TMEM132B: variants seen among roughly 807,000 people sequenced by gnomAD.
TMEM132B encodes transmembrane protein 132B.
In TMEM132B, 18 loss-of-function variants were observed where a neutral mutation model predicts 90.8. That is an observed-to-expected ratio of 0.20 (90% confidence interval 0.14 to 0.29). The LOEUF is 0.29. TMEM132B is among the 10% of genes least tolerant of loss of function. TMEM132B has a pLI of 1.00. For synonymous variants in TMEM132B, 504 were observed against 523.3 expected (o/e 0.96, Z 0.50); for missense variants, 1,096 against 1,326.8 (o/e 0.83, Z 2.70).
intron 2 of TMEM132B, among the ~76,000 whole-genome samples, chr12:125,400,304 A>G (rs1437105438): frequency 1.3e-5 from 2 of 152,242 alleles, no homozygotes; most frequent in African/African-American, 2.4e-5. Context: ...GAGTGGCAAT[A>G]GCTTCTAGAA....
rs1469409412 is a variant in TMEM132B, at chr12:125,415,223, T to C, written c.960-308T>C. Reference sequence around the variant, plus strand: ...TCCATCTCTTCTGGCCCGAGGCATCTGTCTCATTTGCATCATGCTGGGATC... The same window carrying C: ...TCCATCTCTTCTGGCCCGAGGCATCCGTCTCATTTGCATCATGCTGGGATC... On this transcript the variant is annotated intron_variant, in intron 2 of 8. Transcript: ENST00000682704. This position sits in a 1 kb window ranked among gnomAD's most constrained non-coding sequence, Gnocchi z 5.3. 6.6e-6 allele frequency among the ~76,000 whole-genome samples: 1 copy of C among 152,234 alleles called. No individual in the cohort carries two copies. Among genetic ancestry groups the C allele is most frequent in the Non-Finnish European group, 1.5e-5 (1 of 68,044 alleles).
At chr12:125,306,771 C>T (rs140942805) in intron 1 of TMEM132B, among the ~76,000 whole-genome samples, 36 of 152,368 alleles carry the variant, frequency 2.4e-4, no homozygotes, top group African/African-American at 7.5e-4. Flanking sequence ...ATGTCAATTG[C>T]ACCATGTTCT....
chr12:125,480,948 G>A (rs978769507), intron 3 of TMEM132B, among the ~76,000 whole-genome samples: 14 of 151,868 alleles, frequency 9.2e-5, no homozygotes, highest in African/African-American at 3.4e-4. Context: ...TGCAAGGCTG[G>A]TTCAACATAT....
intron 1 of TMEM132B, among the ~76,000 whole-genome samples, chr12:125,276,644 G>A (rs79790636): frequency 0.032 from 4,803 of 152,218 alleles, 259 homozygotes; most frequent in African/African-American, 0.11. Context: ...TGAGTCCCTC[G>A]TGCCTTTGGG....
chr12:125,478,547 G>T (rs990248815), intron 3 of TMEM132B, among the ~76,000 whole-genome samples: 1 of 152,144 alleles, frequency 6.6e-6, no homozygotes, highest in African/African-American at 2.4e-5. Flanking sequence ...GAAGCAAGAA[G>T]AGAAGTTTAG....
intron 1 of TMEM132B, among the ~76,000 whole-genome samples, chr12:125,188,538 C>G (rs1018210212): frequency 7.0e-6 from 1 of 142,706 alleles, no homozygotes; most frequent in African/African-American, 2.6e-5. Flanking sequence ...CCCCTACCAC[C>G]CCCCCACCCC....
intron 1 of TMEM132B, among the ~76,000 whole-genome samples, chr12:125,221,588 C>T (rs7980861): frequency 0.035 from 5,264 of 152,196 alleles, 279 homozygotes; most frequent in African/African-American, 0.1. Flanking sequence ...TAAGGCAGGT[C>T]GTAGGAACAT....
At chr12:125,395,477 T>C (rs1879144163) in intron 2 of TMEM132B, among the ~76,000 whole-genome samples, 1 of 152,260 alleles carries the variant, frequency 6.6e-6, no homozygotes, top group East Asian at 1.9e-4. Context: ...TTTCCATAAA[T>C]TCCCTTTATT....
Position 125,653,889 on chromosome 12 carries a change from A to T in TMEM132B, c.2431A>T (p.Ile811Leu). ...HQGGSNDIEG[I>L]NREYKDHLSN... ...AGGAGGCAGCAATGATATTGAGGGC[A>T]TAAATCGGGAATATAAAGACCACCT... The change falls in exon 9 of 9, where the codon ATA becomes TTA. Residue 811 changes from isoleucine (I) to leucine (L), a missense_variant. Ile to Leu is a conservative substitution (Grantham distance 5). Transcript: ENST00000682704. The T allele has an allele frequency of 3.1e-6, 5 of 1,614,180 alleles. No individual in the cohort carries two copies. In the African/African-American group the frequency reaches 5.3e-5, roughly 17 times the overall value.
At chr12:125,440,774 TA>T (rs1341741737) in intron 3 of TMEM132B, among the ~76,000 whole-genome samples, 1 of 152,246 alleles carries the variant, frequency 6.6e-6, no homozygotes, top group Non-Finnish European at 1.5e-5. Context: ...TATTTATTTT[TA>T]TTAAAAATAT....
chr12:125,641,490 T>C (rs1385184278), intron 5 of TMEM132B, among the ~76,000 whole-genome samples: 1 of 152,200 alleles, frequency 6.6e-6, no homozygotes, highest in African/African-American at 2.4e-5. Context: ...GCTGTTTTAA[T>C]TGAATTACTT....
intron 1 of TMEM132B, among the ~76,000 whole-genome samples, chr12:125,318,275 C>T (rs779187098): frequency 3.2e-4 from 48 of 150,922 alleles, no homozygotes; most frequent in African/African-American, 1.0e-3. Context: ...GGAGGGACCA[C>T]GGAGGACTTC....
intron 1 of TMEM132B, among the ~76,000 whole-genome samples, chr12:125,243,084 C>T (rs7966492): frequency 1.4e-5 from 2 of 140,180 alleles, no homozygotes; most frequent in East Asian, 2.0e-4. Flanking sequence ...TACATATATA[C>T]ACATACATAT....
intron 1 of TMEM132B, among the ~76,000 whole-genome samples, chr12:125,194,191 C>G (rs1454008507): frequency 6.6e-6 from 1 of 151,938 alleles, no homozygotes; most frequent in Non-Finnish European, 1.5e-5. Context: ...CAATACAGTC[C>G]AATTTGATTT....
intron 3 of TMEM132B, among the ~76,000 whole-genome samples, chr12:125,457,583 G>C (rs768651379): frequency 1.6e-4 from 24 of 152,198 alleles, no homozygotes; most frequent in Non-Finnish European, 2.9e-4. Flanking sequence ...CAACTCTGAG[G>C]GGAGAGGCCA....
chr12:125,417,294 C>T (rs1880043100), intron 3 of TMEM132B, among the ~76,000 whole-genome samples: 1 of 152,192 alleles, frequency 6.6e-6, no homozygotes, highest in Non-Finnish European at 1.5e-5. Context: ...TGGAAGTCTT[C>T]CCTTTAGATC....
At chr12:125,485,183 G>A (rs905274276) in intron 3 of TMEM132B, among the ~76,000 whole-genome samples, 1 of 152,184 alleles carries the variant, frequency 6.6e-6, no homozygotes, top group Non-Finnish European at 1.5e-5. Context: ...CACCTAATGA[G>A]AAAATCAGTC....
chr12:125,513,506 G>T (rs1401205113), intron 3 of TMEM132B, among the ~76,000 whole-genome samples: 1 of 152,188 alleles, frequency 6.6e-6, no homozygotes. Flanking sequence ...AACTGGGGTG[G>T]TCAGAGGAGG....
At chr12:125,328,173 A>C (rs968195182) in intron 1 of TMEM132B, among the ~76,000 whole-genome samples, 2 of 152,146 alleles carry the variant, frequency 1.3e-5, no homozygotes, top group African/African-American at 4.8e-5. Flanking sequence ...GACCTCAGTC[A>C]CTCAGGTGGC....
Sources: allele counts gnomAD v4.1 joint callset (sites outside exome capture counted in the v4.1 genomes callset), GRCh38; gene constraint gnomAD v4.1.1; non-coding constraint Gnocchi (gnomAD v3.1); transcripts MANE v1.5; gene names NCBI Gene and HGNC (gene_info 2026-07-23, HGNC 2026-07-21).